The following H2BN1 variants were observed in gnomAD, a reference collection of about 807,000 sequenced individuals.
H2BN1 encodes the protein H2B.N variant histone 1, also known as histone H2B.N.
At chr17:32,905,718 A>T in the H2BN1 span, 1 of 152,194 alleles carries the variant, frequency 6.6e-6, no homozygotes, top group African/African-American at 2.4e-5. Flanking sequence ...CCATCTGGAA[A>T]GGGGACAACT....
chr17:32,896,421 C>T, the H2BN1 span, among the ~76,000 whole-genome samples: 3 of 152,118 alleles, frequency 2.0e-5, no homozygotes, highest in Non-Finnish European at 4.4e-5. Flanking sequence ...TGGTAGAAAA[C>T]AATCAGGAAA....
chr17:32,900,776 T>C, the H2BN1 span, among the ~76,000 whole-genome samples: 1 of 151,764 alleles, frequency 6.6e-6, no homozygotes, highest in Non-Finnish European at 1.5e-5. Flanking sequence ...AGAGACAGAG[T>C]TTTACCACGT....
chr17:32,903,422 T>C, the H2BN1 span, among the ~76,000 whole-genome samples: 2 of 152,190 alleles, frequency 1.3e-5, no homozygotes, highest in Non-Finnish European at 2.9e-5. Context: ...TCGTAAGTTA[T>C]GGAGAGAAAA....
chr17:32,906,113 G>A, the H2BN1 span: 8 of 152,118 alleles, frequency 5.3e-5, no homozygotes, highest in Non-Finnish European at 1.2e-4. Context: ...CATGAGTACT[G>A]GGTGTTGGGT....
the H2BN1 span, among the ~76,000 whole-genome samples, chr17:32,901,916 T>C: frequency 3.3e-5 from 5 of 152,340 alleles, no homozygotes; most frequent in South Asian, 1.0e-3. Context: ...ACTTTCTCTT[T>C]AATTGACAAC....
the H2BN1 span, among the ~76,000 whole-genome samples, chr17:32,897,225 TGAG>T: frequency 2.6e-5 from 4 of 152,072 alleles, no homozygotes; most frequent in African/African-American, 9.7e-5. Flanking sequence ...GGGAGAGTGT[TGAG>T]GAGGAAGTAT....
chr17:32,904,667 T>C, the H2BN1 span, among the ~76,000 whole-genome samples: 1 of 151,944 alleles, frequency 6.6e-6, no homozygotes, highest in East Asian at 1.9e-4. Flanking sequence ...TTTTAAAGGG[T>C]TCAAGTCATT....
the H2BN1 span, among the ~76,000 whole-genome samples, chr17:32,898,699 T>G: frequency 6.6e-6 from 1 of 152,230 alleles, no homozygotes; most frequent in Non-Finnish European, 1.5e-5. Flanking sequence ...AAGTTCATTT[T>G]TAGTAAGTTG....
At chr17:32,903,249 G>T in the H2BN1 span, among the ~76,000 whole-genome samples, 34 of 151,586 alleles carry the variant, frequency 2.2e-4, no homozygotes, top group Non-Finnish European at 1.5e-5. Context: ...CATGCCAGTG[G>T]AAGTACTTCC....
chr17:32,902,460 C>G, the H2BN1 span, among the ~76,000 whole-genome samples: 1 of 152,132 alleles, frequency 6.6e-6, no homozygotes, highest in East Asian at 1.9e-4. Flanking sequence ...ACTAGACCGT[C>G]TAAAGTCACA....
At chr17:32,902,000 G>C in the H2BN1 span, among the ~76,000 whole-genome samples, 2 of 150,860 alleles carry the variant, frequency 1.3e-5, no homozygotes, top group African/African-American at 4.9e-5. Context: ...AACATGTTTG[G>C]ACTTTCTGGC....
At chr17:32,900,128 A>G in the H2BN1 span, among the ~76,000 whole-genome samples, 2 of 152,248 alleles carry the variant, frequency 1.3e-5, no homozygotes, top group African/African-American at 4.8e-5. Flanking sequence ...TAACATAACA[A>G]TTATAATTAC....
the H2BN1 span, among the ~76,000 whole-genome samples, chr17:32,902,576 C>T: frequency 2.5e-4 from 38 of 152,322 alleles, no homozygotes; most frequent in African/African-American, 8.4e-4. Flanking sequence ...TGCAGTGGCT[C>T]ACGCCTGTAA....
chr17:32,904,034 G>A, the H2BN1 span, among the ~76,000 whole-genome samples: 1 of 152,156 alleles, frequency 6.6e-6, no homozygotes, highest in Non-Finnish European at 1.5e-5. Flanking sequence ...AATGCCAGGT[G>A]ATCAGTTTTT....
chr17:32,906,413 CACTT>C, the H2BN1 span: 2 of 152,144 alleles, frequency 1.3e-5, no homozygotes, highest in African/African-American at 4.8e-5. Flanking sequence ...TAAAATGACT[CACTT>C]GTCAAAAAAC....
the H2BN1 span, among the ~76,000 whole-genome samples, chr17:32,903,038 G>A: frequency 6.6e-6 from 1 of 152,028 alleles, no homozygotes; most frequent in Non-Finnish European, 1.5e-5. Context: ...TACCAATAAT[G>A]TTAAGGTTAA....
At chr17:32,898,493 A>G in the H2BN1 span, among the ~76,000 whole-genome samples, 2 of 152,244 alleles carry the variant, frequency 1.3e-5, no homozygotes, top group South Asian at 4.1e-4. Flanking sequence ...TGTCCTAAGC[A>G]GTTCTCAGTT....
At chr17:32,898,014 C>A in the H2BN1 span, among the ~76,000 whole-genome samples, 1 of 152,190 alleles carries the variant, frequency 6.6e-6, no homozygotes, top group South Asian at 2.1e-4. Context: ...TCTGTGTTAT[C>A]CAAACAACGG....
chr17:32,896,784 T>G, the H2BN1 span, among the ~76,000 whole-genome samples: 1 of 152,212 alleles, frequency 6.6e-6, no homozygotes, highest in African/African-American at 2.4e-5. Context: ...GGCCTCTATC[T>G]GCTACATGCC....
Sources: allele counts gnomAD v4.1 joint callset (sites outside exome capture counted in the v4.1 genomes callset), GRCh38; gene constraint gnomAD v4.1.1; transcripts MANE v1.5; gene names NCBI Gene and HGNC (gene_info 2026-07-23, HGNC 2026-07-21).